The following LINGO2 variants were observed in gnomAD, a reference collection of about 807,000 sequenced individuals.
LINGO2 encodes the protein leucine rich repeat and Ig domain containing 2, also known as leucine-rich repeat and immunoglobulin-like domain-containing nogo receptor-interacting protein 2.
A neutral mutation model predicts 30.6 loss-of-function variants in LINGO2; 14 were observed. The ratio of observed to expected loss-of-function variants is 0.46; its 90% CI spans 0.30 to 0.72. The LOEUF is 0.72. Ranked by LOEUF, LINGO2 falls within the 30% of genes least tolerant of loss-of-function variation. LINGO2 has a pLI of 0.07. For missense variants in LINGO2, 729 were observed against 751.7 expected (o/e 0.97, Z 0.35); for synonymous variants, 317 against 288.5 (o/e 1.10, Z -1.00).
the LINGO2 span, among the ~76,000 whole-genome samples, chr9:29,025,911 C>T: frequency 6.6e-6 from 1 of 152,192 alleles, no homozygotes; most frequent in South Asian, 2.1e-4. Context: ...CTGTGCCTGG[C>T]TTATTTCAAT....
At chr9:29,158,945 T>A in the LINGO2 span, among the ~76,000 whole-genome samples, 1 of 152,208 alleles carries the variant, frequency 6.6e-6, no homozygotes, top group Non-Finnish European at 1.5e-5. Flanking sequence ...CTAAGAGTTA[T>A]GAAAGAGAAG....
At chr9:29,177,119 T>C in the LINGO2 span, among the ~76,000 whole-genome samples, 3 of 152,302 alleles carry the variant, frequency 2.0e-5, no homozygotes, top group Admixed American at 1.3e-4. Context: ...TCAGGATAAA[T>C]ATTACACTAA....
chr9:28,805,759 C>T, the LINGO2 span, among the ~76,000 whole-genome samples: 1 of 151,962 alleles, frequency 6.6e-6, no homozygotes, highest in Admixed American at 6.6e-5. Flanking sequence ...GTGTATATTC[C>T]ACAGAACATT....
At chr9:28,535,464 C>G (rs749994907) in intron 1 of LINGO2, among the ~76,000 whole-genome samples, 1 of 151,978 alleles carries the variant, frequency 6.6e-6, no homozygotes, top group Non-Finnish European at 1.5e-5. Context: ...CATAGCCATT[C>G]TGGGGATGCT....
chr9:28,892,109 A>G, the LINGO2 span, among the ~76,000 whole-genome samples: 4 of 152,052 alleles, frequency 2.6e-5, no homozygotes, highest in East Asian at 7.7e-4. Context: ...AGTATACTAC[A>G]TGGTTGAAAT....
At chr9:28,294,084 T>C (rs1587406445) in intron 4 of LINGO2, among the ~76,000 whole-genome samples, 3 of 152,218 alleles carry the variant, frequency 2.0e-5, no homozygotes, top group African/African-American at 7.2e-5. Flanking sequence ...AATTTGTAGA[T>C]ATTTGGGTTT....
chr9:28,368,144 C>T (rs1356612848), intron 3 of LINGO2, among the ~76,000 whole-genome samples: 3 of 152,042 alleles, frequency 2.0e-5, no homozygotes, highest in Non-Finnish European at 4.4e-5. Context: ...ATAGCCTTTC[C>T]ATTGTTTTCT....
the LINGO2 span, among the ~76,000 whole-genome samples, chr9:29,035,980 A>C: frequency 6.6e-6 from 1 of 152,180 alleles, no homozygotes; most frequent in South Asian, 2.1e-4. Context: ...TTGCGGAAAC[A>C]ATTTGGGAAG....
chr9:28,438,123 C>A (rs529461869), intron 2 of LINGO2, among the ~76,000 whole-genome samples: 1 of 152,062 alleles, frequency 6.6e-6, no homozygotes, highest in Non-Finnish European at 1.5e-5. Flanking sequence ...ATATTGATTT[C>A]TATGGCTATT....
At chr9:27,996,674 T>G (rs2119089844) in intron 5 of LINGO2, among the ~76,000 whole-genome samples, 1 of 152,288 alleles carries the variant, frequency 6.6e-6, no homozygotes, top group Middle Eastern at 3.4e-3. Flanking sequence ...ATAGAATTAA[T>G]AAATTCTAGT....
chr9:28,136,093 G>A (rs1827509247), intron 4 of LINGO2, among the ~76,000 whole-genome samples: 1 of 152,162 alleles, frequency 6.6e-6, no homozygotes, highest in African/African-American at 2.4e-5. Flanking sequence ...ACTTTGTAGA[G>A]TCTGACAGAC....
the LINGO2 span, among the ~76,000 whole-genome samples, chr9:28,741,473 T>A: frequency 6.6e-6 from 1 of 151,924 alleles, no homozygotes; most frequent in South Asian, 2.1e-4. Flanking sequence ...GTTGGCATGG[T>A]ACTGAGTGGG....
chr9:27,959,074 T>C (rs1269658109), intron 5 of LINGO2, among the ~76,000 whole-genome samples: 1 of 152,182 alleles, frequency 6.6e-6, no homozygotes, highest in African/African-American at 2.4e-5. Flanking sequence ...TTGCCTGAAG[T>C]TGTCATAAAC....
intron 5 of LINGO2, among the ~76,000 whole-genome samples, chr9:27,960,525 T>C (rs1819787815): frequency 6.6e-6 from 1 of 152,152 alleles, no homozygotes; most frequent in African/African-American, 2.4e-5. Flanking sequence ...TAAGCTGTGA[T>C]TCAGCCATCT....
At chr9:28,588,805 T>G (rs1047414698) in intron 1 of LINGO2, among the ~76,000 whole-genome samples, 4 of 152,048 alleles carry the variant, frequency 2.6e-5, no homozygotes, top group Non-Finnish European at 5.9e-5. Context: ...AGTCAGGCCA[T>G]GCAGCATTTC....
At chr9:28,210,159 A>G (rs1001059575) in intron 4 of LINGO2, among the ~76,000 whole-genome samples, 53 of 151,646 alleles carry the variant, frequency 3.5e-4, no homozygotes, top group Non-Finnish European at 7.7e-4. Flanking sequence ...TATTTTTCCA[A>G]TTTCTAATGG....
chr9:28,962,324 TA>T, the LINGO2 span, among the ~76,000 whole-genome samples: 1 of 152,120 alleles, frequency 6.6e-6, no homozygotes, highest in Non-Finnish European at 1.5e-5. Flanking sequence ...AATTTAAAAC[TA>T]AATAATTTAT....
In LINGO2 at chr9:27,980,218, C is replaced by T. The variant is rs141474701; in HGVS notation, c.-35-29512G>A. ...TCTTAAACACAGTTCAAGAAAGACA[C>T]AGCTTTAGCTATAAGGCACTCAAAC... On this transcript the variant is annotated intron_variant, in intron 5 of 5. Coordinates refer to ENST00000379992, the Ensembl canonical transcript of LINGO2. Among the ~76,000 whole-genome samples, 503 of 152,064 alleles carry T rather than the reference C, an allele frequency of 3.3e-3. 1 individual carries two copies. The highest frequency in any genetic ancestry group is 5.4e-3 in the Non-Finnish European group (366 of 67,920).
At chr9:27,960,876 G>T (rs1819810290) in intron 5 of LINGO2, among the ~76,000 whole-genome samples, 1 of 151,510 alleles carries the variant, frequency 6.6e-6, no homozygotes, top group Non-Finnish European at 1.5e-5. Context: ...TCTGATTTTT[G>T]TTTTGTATTT....
Sources: gnomAD v4.1 joint callset for allele counts (sites outside exome capture counted in the v4.1 genomes callset) on GRCh38, gnomAD v4.1.1 for gene constraint, MANE v1.5 for transcripts, NCBI Gene and HGNC (gene_info 2026-07-23, HGNC 2026-07-21) for gene names.